Variants in DRC3 observed in about 807,000 individuals in gnomAD.
DRC3 encodes the protein dynein regulatory complex subunit 3.
In DRC3, 45 loss-of-function variants were observed where a neutral mutation model predicts 57.6. The observed-to-expected ratio is 0.78, with a 90% CI of 0.62 to 1.00. The LOEUF is 1.00. Among genes scored for constraint, DRC3 ranks in the 50% least tolerant of loss-of-function variants. The probability of loss-of-function intolerance (pLI) is 0.00; values close to 1 mark genes in which losing one functional copy is unlikely to be tolerated. For missense variants in DRC3, 655 were observed against 675.2 expected (o/e 0.97, Z 0.33); for synonymous variants, 257 against 272.3 (o/e 0.94, Z 0.55).
At chr17:17,997,733 C>CAGGGGTCATCAGAGGG in intron 9 of DRC3, 99 bp downstream of exon 9, 1 of 1,123,496 alleles carries the variant, frequency 8.9e-7, no homozygotes, top group Non-Finnish European at 1.2e-6. Flanking sequence ...CCTGTACCCT[C>CAGGGGTCATCAGAGGG]TGATGACCCC....
chr17:17,976,878 C>G (rs771952050), intron 2 of DRC3, among the ~76,000 whole-genome samples: 40 of 152,148 alleles, frequency 2.6e-4, no homozygotes, highest in Non-Finnish European at 4.6e-4. Flanking sequence ...AGGTTCCCAT[C>G]TCTGCTTTTC....
intron 3 of DRC3, among the ~76,000 whole-genome samples, chr17:17,978,974 G>A (rs1280437254): frequency 6.6e-6 from 1 of 152,184 alleles, no homozygotes; most frequent in African/African-American, 2.4e-5. Flanking sequence ...AATGAAGAAG[G>A]AAAATAATAC....
chr17:18,003,729 A>G (rs1238772085), intron 9 of DRC3, among the ~76,000 whole-genome samples: 1 of 120,652 alleles, frequency 8.3e-6, no homozygotes, highest in Non-Finnish European at 1.6e-5. Flanking sequence ...TGCAAGCCCC[A>G]CCTCCCAGGT....
intron 10 of DRC3, 102 bp from the exon 11 acceptor site, chr17:18,006,081 G>T: frequency 1.3e-6 from 1 of 783,940 alleles, no homozygotes; most frequent in Non-Finnish European, 2.2e-6. Flanking sequence ...TATGCTGAAG[G>T]TCTGTGATTA....
chr17:17,990,514 C>T (rs2043179685), intron 5 of DRC3, among the ~76,000 whole-genome samples: 1 of 152,238 alleles, frequency 6.6e-6, no homozygotes, highest in East Asian at 1.9e-4. Context: ...GTCTTGGCTT[C>T]CAGGAATGTG....
chr17:17,989,289 G>C (rs558522706), intron 5 of DRC3, among the ~76,000 whole-genome samples: 3 of 152,316 alleles, frequency 2.0e-5, no homozygotes, highest in African/African-American at 4.8e-5. Context: ...AAGGTGTGTG[G>C]TGCAGGGTTG....
At position 18,007,096 on chromosome 17, in the gene DRC3, G is replaced by A. The variant is rs958513711; in HGVS notation, c.1275G>A (p.Glu425=). ...KLLEISISTL[E]KIVEGDLDED... ...TGGAGATCTCTATCAGCACCCTGGA[G>A]AAGATTGTCGAGGGCGACCTGGACG... Residue 425 remains glutamate, a synonymous_variant, in exon 12 of 14, where the codon GAG becomes GAA. Coordinates refer to ENST00000399187, the MANE Select transcript of DRC3 (RefSeq NM_031294.4). The A allele has an allele frequency of 6.4e-7, 1 of 1,556,342 alleles. No individual in the cohort carries two copies. The highest frequency in any genetic ancestry group is 8.7e-7 in the Non-Finnish European group (1 of 1,146,552).
At position 17,994,350 on chromosome 17, in the gene DRC3, C is replaced by G. The variant is rs1446973582; in HGVS notation, c.643C>G (p.Gln215Glu). The G allele has an allele frequency of 2.4e-5, 37 of 1,555,022 alleles. No individual in the cohort carries two copies. Among genetic ancestry groups the G allele is most frequent in the Non-Finnish European group, 3.0e-5 (34 of 1,149,276 alleles). ...HQYSIDELKH[Q>E]ENLMQAQLED... is the part of the protein sequence containing the mutation. The stretch of plus-strand genomic sequence containing the variant: ...GTACAGCATCGACGAGCTGAAGCAC[C>G]AGGAGAACCTGATGCAGGCCCAGCT... The change falls in exon 7 of 14, where the codon CAG (glutamine) becomes GAG (glutamate). Residue 215 changes from glutamine to glutamate, a missense_variant. Transcript: ENST00000399187.
intron 5 of DRC3, chr17:17,988,586 C>T (rs1381617736): frequency 6.5e-6 from 1 of 154,520 alleles, no homozygotes; most frequent in Non-Finnish European, 1.4e-5. Flanking sequence ...TGGCAGTGGA[C>T]ACAGCTGGGG....
intron 12 of DRC3, among the ~76,000 whole-genome samples, chr17:18,014,548 A>G (rs11869095): frequency 0.015 from 2,353 of 152,360 alleles, 28 homozygotes; most frequent in Non-Finnish European, 0.025. Flanking sequence ...AATGTCACAC[A>G]GTTTTTCATA....
Position 18,007,139 on chromosome 17 carries a change from C to T in DRC3, c.1318C>T (p.Leu440=), listed in dbSNP as rs374334607. The T allele has an allele frequency of 4.0e-6, 4 of 1,009,208 alleles. No individual in the cohort carries two copies. The highest frequency in any genetic ancestry group is 4.9e-6 in the Non-Finnish European group (4 of 822,028). The allele number at this position is 1,009,208 out of a possible 1,614,324, so 62.5% of individuals were successfully genotyped here. A position where few individuals can be genotyped will look rare whatever the true frequency, so the allele number is the denominator to read the frequency against. ...GDLDEDLPND[L]RALFVDKDTI... The stretch of plus-strand genomic sequence containing the variant: ...CCTGGACGAGGACCTGCCTAACGAC[C>T]TGCGCGCGGTAGGCGGGGCGGGCTG... The change falls in exon 12 of 14, where the codon CTG becomes TTG. Residue 440 remains leucine, a synonymous_variant. Transcript: ENST00000399187.
chr17:18,009,885 C>T (rs1056996266), intron 12 of DRC3, among the ~76,000 whole-genome samples: 1 of 152,154 alleles, frequency 6.6e-6, no homozygotes, highest in African/African-American at 2.4e-5. Context: ...CAAGTCCTTC[C>T]AGCTTTGAGA....
intron 12 of DRC3, chr17:18,007,561 C>A: frequency 6.6e-7 from 1 of 1,504,940 alleles, no homozygotes; most frequent in Non-Finnish European, 8.9e-7. Flanking sequence ...TCTGATCCTG[C>A]ACAATGCCAT....
Position 18,016,712 on chromosome 17 carries a change from A to G in DRC3, c.*41A>G. 7.4e-7 allele frequency: 1 copy of G among 1,352,278 alleles called. No homozygotes were observed. The highest frequency in any genetic ancestry group is 1.1e-6 in the Non-Finnish European group (1 of 949,446). The allele number at this position is 1,352,278 out of a possible 1,614,324, so 83.8% of individuals were successfully genotyped here. A position where few individuals can be genotyped will look rare whatever the true frequency, so the allele number is the denominator to read the frequency against. ...AGGAGCTTCTTCAAAACATAGCACCAGCCCCAGCCAGGAGAAGGAAGTGCA... is the reference window on the plus strand; with the variant it reads ...AGGAGCTTCTTCAAAACATAGCACCGGCCCCAGCCAGGAGAAGGAAGTGCA... On this transcript the variant is annotated 3_prime_UTR_variant, in exon 14 of 14. Transcript: ENST00000399187.
intron 2 of DRC3, among the ~76,000 whole-genome samples, chr17:17,977,223 G>A (rs774529842): frequency 9.2e-5 from 14 of 152,224 alleles, no homozygotes; most frequent in Non-Finnish European, 1.5e-4. Context: ...AAGCCCAAGT[G>A]AGGATGGGCA....
intron 5 of DRC3, among the ~76,000 whole-genome samples, chr17:17,992,229 C>G (rs1352399474): frequency 6.6e-6 from 1 of 152,108 alleles, no homozygotes; most frequent in Non-Finnish European, 1.5e-5. Context: ...GAGCCAAGAT[C>G]GCACCTCTGC....
At chr17:18,011,300 GC>G in intron 12 of DRC3, 2 of 343,092 alleles carry the variant, frequency 5.8e-6, no homozygotes, top group Non-Finnish European at 5.6e-6. Context: ...AAGCAGACCT[GC>G]CCCAGCCAGC....
chr17:18,011,143 G>A (rs1568545526), intron 12 of DRC3: 2 of 221,424 alleles, frequency 9.0e-6, no homozygotes, highest in Non-Finnish European at 1.8e-5. Context: ...TTTTAGTAGA[G>A]ATGGGGTTTC....
intron 9 of DRC3, among the ~76,000 whole-genome samples, chr17:18,003,629 TTAAG>T (rs960156962): frequency 6.7e-6 from 1 of 149,928 alleles, no homozygotes; most frequent in Non-Finnish European, 1.5e-5. Flanking sequence ...TTTTCTGTTT[TTAAG>T]TATCTTTTTT....
Sources: gnomAD v4.1 joint callset for allele counts (sites outside exome capture counted in the v4.1 genomes callset) on GRCh38, gnomAD v4.1.1 for gene constraint, MANE v1.5 for transcripts, NCBI Gene and HGNC (gene_info 2026-07-23, HGNC 2026-07-21) for gene names.